The following ADCY8 variants were observed in gnomAD, a reference collection of about 807,000 sequenced individuals.
ADCY8 encodes the protein adenylate cyclase 8, also known as adenylate cyclase type 8.
Under a neutral mutation model 119.7 loss-of-function variants are expected in ADCY8, and 51 were observed. That is an observed-to-expected ratio of 0.43 (90% CI 0.34 to 0.54). ADCY8 has a LOEUF of 0.54. ADCY8 is among the 20% of genes least tolerant of loss of function. The pLI is 0.03. For synonymous variants in ADCY8, 665 were observed against 651.0 expected, an observed-to-expected ratio of 1.02 and a Z score of -0.33; for missense variants, 1,383 against 1,598.8, an observed-to-expected ratio of 0.87 and a Z score of 2.30.
intron 9 of ADCY8, among the ~76,000 whole-genome samples, chr8:130,853,024 C>T (rs1563693454): frequency 6.6e-6 from 1 of 152,204 alleles, no homozygotes; most frequent in African/African-American, 2.4e-5. Context: ...CCTACATGCC[C>T]AGACTATCTC....
chr8:130,863,759 C>T (rs754087661), intron 9 of ADCY8, among the ~76,000 whole-genome samples: 13 of 152,096 alleles, frequency 8.5e-5, no homozygotes, highest in Non-Finnish European at 1.6e-4. Flanking sequence ...CAATTCCTTC[C>T]TTATGTCCCT....
intron 2 of ADCY8, among the ~76,000 whole-genome samples, chr8:130,966,105 T>C (rs972759679): frequency 1.3e-5 from 2 of 152,206 alleles, no homozygotes; most frequent in Non-Finnish European, 2.9e-5. Flanking sequence ...GGATGACTTA[T>C]GGAATCTAAG....
chr8:130,917,246 A>T (rs554365896), intron 5 of ADCY8, among the ~76,000 whole-genome samples: 1 of 152,200 alleles, frequency 6.6e-6, no homozygotes, highest in African/African-American at 2.4e-5. Context: ...TATTCTTTCA[A>T]CAAGTGTCTG....
At position 131,039,360 on chromosome 8, in the gene ADCY8, C is replaced by T; in HGVS notation, c.960+14G>A. 1 of 1,608,758 alleles carries T rather than the reference C, an allele frequency of 6.2e-7. No individual in the cohort carries two copies. Among genetic ancestry groups the T allele is most frequent in the Non-Finnish European group, 8.5e-7 (1 of 1,176,076 alleles). On this transcript the variant is annotated intron_variant, in intron 1 of 17. Transcript: ENST00000286355. ...AGTTAGAGGGGAAACAAATGCAAGGCAGGCAGGAGTTACCTGGTTGATGGA... is the reference window on the plus strand; with the variant it reads ...AGTTAGAGGGGAAACAAATGCAAGGTAGGCAGGAGTTACCTGGTTGATGGA...
intron 4 of ADCY8, among the ~76,000 whole-genome samples, chr8:130,940,600 T>G (rs3922958): frequency 0.011 from 1,678 of 152,302 alleles, 33 homozygotes; most frequent in African/African-American, 0.038. Flanking sequence ...AGACACATTT[T>G]TCTGATCAAA....
At chr8:130,947,251 C>A (rs1289611772) in intron 3 of ADCY8, among the ~76,000 whole-genome samples, 1 of 151,700 alleles carries the variant, frequency 6.6e-6, no homozygotes, top group Non-Finnish European at 1.5e-5. Flanking sequence ...TGTGTAGACT[C>A]CTCTCACTAA....
At chr8:131,009,617 G>T (rs562865753) in intron 1 of ADCY8, among the ~76,000 whole-genome samples, 4 of 152,098 alleles carry the variant, frequency 2.6e-5, no homozygotes, top group Non-Finnish European at 5.9e-5. Flanking sequence ...CCAATCTTGG[G>T]CATTTCTTCA....
intron 8 of ADCY8, among the ~76,000 whole-genome samples, chr8:130,883,815 T>TG (rs1319833555): frequency 6.6e-6 from 1 of 151,866 alleles, no homozygotes; most frequent in Non-Finnish European, 1.5e-5. Flanking sequence ...AAAGCTGAGG[T>TG]GGGGGAGGGG....
Position 130,937,084 on chromosome 8 carries a change from G to A in ADCY8, c.1470C>T (p.Ile490=), listed in dbSNP as rs367989758. ...HCCVEMGLSM[I]KTIRYVRSRT... is the part of the protein sequence containing the mutation. ...GGATCACAAATTACCTGATGGTTTT[G>A]ATCATGCTGAGACCCATTTCAACAC... is the stretch of plus-strand genomic sequence containing the variant. The change falls in exon 5 of 18, where the codon ATC becomes ATT. Residue 490 remains isoleucine (I), a synonymous_variant. Transcript: ENST00000286355. 6.2e-7 allele frequency: 1 copy of A among 1,611,888 alleles called. No homozygotes were observed. The highest frequency in any genetic ancestry group is 1.1e-5 in the South Asian group (1 of 90,626).
intron 7 of ADCY8, among the ~76,000 whole-genome samples, chr8:130,901,812 G>A (rs1013744674): frequency 6.6e-6 from 1 of 152,074 alleles, no homozygotes; most frequent in African/African-American, 2.4e-5. Flanking sequence ...TGGCACAGAT[G>A]GGTTACATCC....
At chr8:130,897,837 G>T (rs1350381168) in intron 7 of ADCY8, among the ~76,000 whole-genome samples, 1 of 131,930 alleles carries the variant, frequency 7.6e-6, no homozygotes. Context: ...CACATACACA[G>T]CAAACATACA....
At chr8:130,989,990 T>G (rs891953737) in intron 2 of ADCY8, among the ~76,000 whole-genome samples, 4 of 152,216 alleles carry the variant, frequency 2.6e-5, no homozygotes, top group African/African-American at 9.6e-5. Flanking sequence ...GTAAGATTCT[T>G]CCATGCGCTT....
chr8:130,787,468 G>T (rs149131151), intron 15 of ADCY8, among the ~76,000 whole-genome samples: 2 of 151,952 alleles, frequency 1.3e-5, no homozygotes, highest in Admixed American at 1.3e-4. Flanking sequence ...TGCATATTGC[G>T]TGTGGGTGTG....
chr8:130,995,171 G>C (rs1822734727), intron 1 of ADCY8, among the ~76,000 whole-genome samples: 1 of 152,218 alleles, frequency 6.6e-6, no homozygotes, highest in South Asian at 2.1e-4. Context: ...TCATAAATAT[G>C]ACCATCCATG....
intron 4 of ADCY8, among the ~76,000 whole-genome samples, chr8:130,942,805 T>C (rs1820995729): frequency 6.6e-6 from 1 of 152,210 alleles, no homozygotes; most frequent in South Asian, 2.1e-4. Context: ...ATAGCAAATG[T>C]CCATCTCCTT....
At chr8:131,017,618 T>C (rs1208167849) in intron 1 of ADCY8, among the ~76,000 whole-genome samples, 1 of 151,926 alleles carries the variant, frequency 6.6e-6, no homozygotes, top group Non-Finnish European at 1.5e-5. Flanking sequence ...ACCCCCACAC[T>C]CTGCATGGGC....
At chr8:130,963,130 T>C (rs983478968) in intron 2 of ADCY8, among the ~76,000 whole-genome samples, 9 of 150,804 alleles carry the variant, frequency 6.0e-5, no homozygotes, top group East Asian at 5.8e-4. Flanking sequence ...TTTTTTTTTT[T>C]CTGAAACTTG....
At chr8:130,809,956 T>A (rs959567406) in intron 14 of ADCY8, among the ~76,000 whole-genome samples, 4 of 152,216 alleles carry the variant, frequency 2.6e-5, no homozygotes, top group Non-Finnish European at 5.9e-5. Context: ...TTGAGTGCGG[T>A]CTGTGGAATT....
chr8:130,788,989 G>A (rs1485849972), intron 15 of ADCY8, among the ~76,000 whole-genome samples: 1 of 152,104 alleles, frequency 6.6e-6, no homozygotes, highest in Non-Finnish European at 1.5e-5. Flanking sequence ...TATTGTAATA[G>A]AAAGCAGATC....
Sources: allele counts gnomAD v4.1 joint callset (sites outside exome capture counted in the v4.1 genomes callset), GRCh38; gene constraint gnomAD v4.1.1; transcripts MANE v1.5; gene names NCBI Gene and HGNC (gene_info 2026-07-23, HGNC 2026-07-21).